SPECC1: variants seen among roughly 807,000 people sequenced by gnomAD.
SPECC1 encodes cytospin-B.
In SPECC1, 62 loss-of-function variants were observed where a neutral mutation model predicts 104.1. The observed-to-expected ratio is 0.60, with a 90% CI of 0.49 to 0.74. The LOEUF (loss-of-function observed/expected upper bound fraction) is 0.74, where lower values mean the gene tolerates loss of function less well. SPECC1 is among the 30% of genes least tolerant of loss of function. The pLI is 0.00. For missense variants in SPECC1, 1,306 were observed against 1,310.5 expected, an observed-to-expected ratio of 1.00 and a Z score of 0.05; for synonymous variants, 513 against 501.6, an observed-to-expected ratio of 1.02 and a Z score of -0.30.
intron 11 of SPECC1, among the ~76,000 whole-genome samples, chr17:20,258,120 A>G (rs1001651557): frequency 6.6e-6 from 1 of 152,214 alleles, no homozygotes; most frequent in Non-Finnish European, 1.5e-5. Flanking sequence ...AGGTTTGTGC[A>G]TTATTTTGGT....
At chr17:20,134,597 ACTT>A (rs1046945980) in intron 3 of SPECC1, among the ~76,000 whole-genome samples, 3 of 152,154 alleles carry the variant, frequency 2.0e-5, no homozygotes, top group African/African-American at 7.2e-5. Context: ...TGAGAAAGGT[ACTT>A]CTTATTGCTT....
intron 3 of SPECC1, among the ~76,000 whole-genome samples, chr17:20,170,877 C>T (rs1045961594): frequency 6.6e-6 from 1 of 152,122 alleles, no homozygotes; most frequent in Non-Finnish European, 1.5e-5. Flanking sequence ...GTACCAACCA[C>T]CTCCAAAGCC....
At chr17:20,267,970 GT>G (rs895985789) in intron 12 of SPECC1, among the ~76,000 whole-genome samples, 3 of 152,080 alleles carry the variant, frequency 2.0e-5, no homozygotes, top group Non-Finnish European at 4.4e-5. Context: ...TGAGTCCTCT[GT>G]TACCTCCCAG....
At position 20,138,144 on chromosome 17, in the gene SPECC1, T is replaced by C. The variant is rs1158380246; in HGVS notation, c.283+27582T>C. On this transcript the variant is annotated intron_variant, in intron 3 of 14. Coordinates refer to ENST00000395527, the MANE Select transcript of SPECC1 (RefSeq NM_001243439.2). ...CCTTCATGCCCAGCTAAATTTTGTT[T>C]GTAGAGATGGGGTGTCACTATGTTG... Among the ~76,000 whole-genome samples the C allele has an allele frequency of 3.3e-5, 5 of 152,056 alleles. No homozygotes were observed. The East Asian group carries it at 9.7e-4, about 29-fold the overall frequency.
intron 3 of SPECC1, among the ~76,000 whole-genome samples, chr17:20,148,333 G>A (rs1567877495): frequency 1.3e-5 from 2 of 151,606 alleles, no homozygotes; most frequent in Non-Finnish European, 2.9e-5. Context: ...TTGAACTCCT[G>A]GGCTCAAGTG....
chr17:20,030,209 A>T (rs1050598273), intron 1 of SPECC1, among the ~76,000 whole-genome samples: 3 of 149,740 alleles, frequency 2.0e-5, no homozygotes, highest in African/African-American at 7.7e-5. Context: ...TACTGTATTT[A>T]TGTGAGTTAC....
chr17:20,257,374 TGTA>T lies in SPECC1; in HGVS notation c.2681-76_2681-74del. 2.1e-6 allele frequency: 3 copies of T among 1,462,998 alleles called. No homozygotes were observed. The South Asian group carries it at 4.2e-5, about 21-fold the overall frequency. 90.6% of individuals were successfully genotyped at this position (1,462,998 alleles called of 1,614,324 possible). ...CTTGAGGATAAAATGAGAACTGTAT[TGTA>T]TTTGAGAATGAAGTATGATGGCAGT... On this transcript the variant is annotated intron_variant, in intron 10 of 14. Coordinates refer to ENST00000395527, the MANE Select transcript of SPECC1 (RefSeq NM_001243439.2).
chr17:20,131,010 T>G (rs2049591517), intron 3 of SPECC1, among the ~76,000 whole-genome samples: 1 of 152,232 alleles, frequency 6.6e-6, no homozygotes, highest in African/African-American at 2.4e-5. Flanking sequence ...TATTTTTAAT[T>G]TTGGTGTTTG....
At chr17:20,246,704 T>C (rs1377516731) in intron 8 of SPECC1, among the ~76,000 whole-genome samples, 1 of 152,180 alleles carries the variant, frequency 6.6e-6, no homozygotes, top group East Asian at 1.9e-4. Flanking sequence ...ACATAGCAAA[T>C]AGAAGAAACA....
At chr17:20,280,618 A>G (rs2040734488) in intron 12 of SPECC1, among the ~76,000 whole-genome samples, 1 of 152,246 alleles carries the variant, frequency 6.6e-6, no homozygotes, top group Admixed American at 6.5e-5. Flanking sequence ...AATGTTCTAT[A>G]TCTGTGCTGG....
At chr17:20,159,651 C>T (rs1426378172) in intron 3 of SPECC1, among the ~76,000 whole-genome samples, 1 of 152,176 alleles carries the variant, frequency 6.6e-6, no homozygotes, top group African/African-American at 2.4e-5. Flanking sequence ...CTGCAGTCCT[C>T]CGAGTTGGGA....
At chr17:20,249,638 G>A (rs373970205) in intron 9 of SPECC1, among the ~76,000 whole-genome samples, 1 of 152,112 alleles carries the variant, frequency 6.6e-6, no homozygotes, top group East Asian at 1.9e-4. Flanking sequence ...AAAAGAATCT[G>A]TTAGAGATTT....
chr17:20,064,419 CT>C (rs2046294169), intron 1 of SPECC1, among the ~76,000 whole-genome samples: 1 of 152,220 alleles, frequency 6.6e-6, no homozygotes, highest in South Asian at 2.1e-4. Flanking sequence ...AACTGCTTTT[CT>C]CTTTCTGGCT....
rs1250051146 is a variant in SPECC1, at chr17:20,096,750, G to T, written c.99G>T (p.Lys33Asn). The change falls in exon 2 of 15, where the codon AAG becomes AAT. Residue 33 changes from lysine (K) to asparagine (N), a missense_variant. Around this residue, in one of 2 missense-constraint regions of SPECC1, gnomAD observed 1,177 missense variants for 1,139.9 expected, o/e 1.03. Transcript: ENST00000395527. ...RPLPAASSGM[K>N]SSKSSTSLAF... ...TGCCTGCAGCCTCTTCCGGCATGAA[G>T]AGTTCTAAGTCTTCAACTTCCTTGG... The T allele has an allele frequency of 1.2e-6, 2 of 1,614,100 alleles. No homozygotes were observed. Among genetic ancestry groups the T allele is most frequent in the African/African-American group, 2.7e-5 (2 of 74,934 alleles).
chr17:20,303,253 G>T (rs1598171456), intron 13 of SPECC1, among the ~76,000 whole-genome samples: 1 of 152,240 alleles, frequency 6.6e-6, no homozygotes, highest in Non-Finnish European at 1.5e-5. Context: ...ATAGGAGATT[G>T]CTGCCATTAA....
At position 20,087,417 on chromosome 17, in the gene SPECC1, C is replaced by G. The variant is rs115128322; in HGVS notation, c.-21-9214C>G. 2.8e-3 allele frequency among the ~76,000 whole-genome samples: 430 copies of G among 152,200 alleles called. 3 individuals are homozygous for G. The highest frequency in any genetic ancestry group is 9.8e-3 in the African/African-American group (405 of 41,482). Reference sequence around the variant, plus strand: ...ATGGGGCTCTCATCCTGAAAGCAGTCTGGGGACTTTATTATTTTTTTTCAA... The same window carrying G: ...ATGGGGCTCTCATCCTGAAAGCAGTGTGGGGACTTTATTATTTTTTTTCAA... On this transcript the variant is annotated intron_variant, in intron 1 of 14. Transcript: ENST00000395527.
intron 3 of SPECC1, among the ~76,000 whole-genome samples, chr17:20,203,067 A>G (rs1348342220): frequency 6.6e-6 from 1 of 152,098 alleles, no homozygotes; most frequent in Non-Finnish European, 1.5e-5. Context: ...GTGGGTTTAC[A>G]GCTGCCCATC....
chr17:20,024,957 C>G (rs1194905099), intron 1 of SPECC1, among the ~76,000 whole-genome samples: 2 of 152,164 alleles, frequency 1.3e-5, no homozygotes, highest in Non-Finnish European at 2.9e-5. Flanking sequence ...TCTTATTAAA[C>G]TTTGCACAAT....
At chr17:20,098,068 C>G (rs2047737580) in intron 2 of SPECC1, among the ~76,000 whole-genome samples, 1 of 152,122 alleles carries the variant, frequency 6.6e-6, no homozygotes, top group Non-Finnish European at 1.5e-5. Context: ...TGGATAACGT[C>G]CAAATTTGCA....
Sources: allele counts gnomAD v4.1 joint callset (sites outside exome capture counted in the v4.1 genomes callset), GRCh38; gene constraint gnomAD v4.1.1; regional missense constraint gnomAD v4.1.1; transcripts MANE v1.5; gene names NCBI Gene and HGNC (gene_info 2026-07-23, HGNC 2026-07-21).